Variants in CSMD1 observed in about 807,000 individuals in gnomAD.
CSMD1 encodes CUB and sushi domain-containing protein 1.
A neutral mutation model predicts 417.5 loss-of-function variants in CSMD1; 213 were observed. The observed-to-expected ratio is 0.51, with a 90% CI of 0.46 to 0.57. CSMD1 has a LOEUF of 0.57. CSMD1 is among the 20% of genes least tolerant of loss of function. CSMD1 has a pLI of 0.00. For missense variants in CSMD1, 6,923 were observed against 4,529.7 expected (o/e 1.53, Z -15.17); for synonymous variants, 2,862 against 1,736.8 (o/e 1.65, Z -16.11).
chr8:3,911,938 C>G (rs1354057759), intron 5 of CSMD1, among the ~76,000 whole-genome samples: 2 of 152,126 alleles, frequency 1.3e-5, no homozygotes, highest in Admixed American at 6.6e-5. Context: ...TGTGTTTTCC[C>G]TATATGTCCA....
chr8:3,539,607 T>C (rs1384143569), intron 10 of CSMD1, among the ~76,000 whole-genome samples: 1 of 152,142 alleles, frequency 6.6e-6, no homozygotes. Flanking sequence ...AACACAGCTC[T>C]GCCCCTCTAA....
chr8:3,925,480 T>C (rs1258892587), intron 5 of CSMD1, among the ~76,000 whole-genome samples: 1 of 152,204 alleles, frequency 6.6e-6, no homozygotes, highest in African/African-American at 2.4e-5. Flanking sequence ...TTCATAATGC[T>C]GGGTGGTAAG....
chr8:3,764,243 C>A (rs1216506322), intron 5 of CSMD1, among the ~76,000 whole-genome samples: 1 of 152,190 alleles, frequency 6.6e-6, no homozygotes, highest in South Asian at 2.1e-4. Context: ...ACGCTTCTCG[C>A]TTCTCTTCCA....
At chr8:3,956,418 G>C (rs144945906) in intron 5 of CSMD1, among the ~76,000 whole-genome samples, 1 of 152,162 alleles carries the variant, frequency 6.6e-6, no homozygotes, top group African/African-American at 2.4e-5. Flanking sequence ...CTGGAGGCAT[G>C]TATGTTTAGC....
chr8:4,050,042 T>C (rs1354636718), intron 3 of CSMD1, among the ~76,000 whole-genome samples: 1 of 152,178 alleles, frequency 6.6e-6, no homozygotes, highest in African/African-American at 2.4e-5. Context: ...AGATATTCTG[T>C]GGAATGTCCC....
intron 2 of CSMD1, among the ~76,000 whole-genome samples, chr8:4,456,435 T>C (rs1799491668): frequency 6.6e-6 from 1 of 152,196 alleles, no homozygotes; most frequent in Non-Finnish European, 1.5e-5. Flanking sequence ...GTATTTTTAA[T>C]TGCTGTTAAG....
At chr8:4,300,704 TC>T (rs1797938626) in intron 3 of CSMD1, among the ~76,000 whole-genome samples, 1 of 152,084 alleles carries the variant, frequency 6.6e-6, no homozygotes, top group Non-Finnish European at 1.5e-5. Flanking sequence ...CCCACAACAG[TC>T]CCCGGAGTGT....
chr8:3,761,410 A>T (rs779777699), intron 5 of CSMD1, among the ~76,000 whole-genome samples: 3 of 152,152 alleles, frequency 2.0e-5, no homozygotes, highest in Admixed American at 6.5e-5. Flanking sequence ...ACCAACTATG[A>T]AACAAAATAA....
chr8:3,835,772 G>A (rs534821113), intron 5 of CSMD1, among the ~76,000 whole-genome samples: 1 of 150,848 alleles, frequency 6.6e-6, no homozygotes, highest in Non-Finnish European at 1.5e-5. Context: ...CCCACCATTT[G>A]GCTAACTCTG....
chr8:3,618,231 C>G (rs1337855985), intron 7 of CSMD1, among the ~76,000 whole-genome samples: 1 of 152,142 alleles, frequency 6.6e-6, no homozygotes. Flanking sequence ...GTCTCAAACT[C>G]CTGGCTCAAG....
rs184212626 is a variant in CSMD1 at position 4,876,942 on chromosome 8, T to A, written c.85+117390A>T. Among the ~76,000 whole-genome samples, 944 of 152,190 alleles carry A rather than the reference T, an allele frequency of 6.2e-3. 11 individuals carry two copies. The highest frequency in any genetic ancestry group is 0.022 in the African/African-American group (913 of 41,496). ...TCTCCTAATCCATGCACACAAAAATTATTACACATTATGTAATTTTATGAC... is the reference window on the plus strand; with the variant it reads ...TCTCCTAATCCATGCACACAAAAATAATTACACATTATGTAATTTTATGAC... On this transcript the variant is annotated intron_variant, in intron 1 of 69. Coordinates refer to ENST00000635120, the MANE Select transcript of CSMD1 (RefSeq NM_033225.6).
intron 1 of CSMD1, among the ~76,000 whole-genome samples, chr8:4,992,551 A>G (rs1811528285): frequency 6.6e-6 from 1 of 152,288 alleles, no homozygotes; most frequent in South Asian, 2.1e-4. Flanking sequence ...TCGGCTGGAA[A>G]AAGCCAGGTC....
chr8:4,894,345 T>C (rs992335011), intron 1 of CSMD1, among the ~76,000 whole-genome samples: 19 of 152,078 alleles, frequency 1.2e-4, no homozygotes, highest in Admixed American at 9.2e-4. Context: ...AATTCACTGC[T>C]TGTAGATTCT....
At chr8:4,143,830 G>A (rs1803946436) in intron 3 of CSMD1, among the ~76,000 whole-genome samples, 2 of 151,078 alleles carry the variant, frequency 1.3e-5, no homozygotes, top group African/African-American at 2.5e-5. Context: ...CAGTTTTCTG[G>A]GATTTAAGTA....
chr8:4,272,298 T>C (rs1010206360), intron 3 of CSMD1, among the ~76,000 whole-genome samples: 1 of 152,188 alleles, frequency 6.6e-6, no homozygotes, highest in African/African-American at 2.4e-5. Context: ...AAAACATTTT[T>C]TTCCTTGCCA....
intron 3 of CSMD1, among the ~76,000 whole-genome samples, chr8:4,133,035 G>A (rs1187500183): frequency 6.6e-6 from 1 of 152,106 alleles, no homozygotes; most frequent in Non-Finnish European, 1.5e-5. Context: ...CCGGGTTAAA[G>A]CGATTCTTTT....
intron 3 of CSMD1, among the ~76,000 whole-genome samples, chr8:4,338,280 G>A (rs186032914): frequency 6.6e-6 from 1 of 152,134 alleles, no homozygotes. Flanking sequence ...AAGTGCAAGA[G>A]TTCAATGCAG....
At chr8:4,587,390 CATGTATATGTGGATATATATGTATATGT>C (rs1799755945) in intron 2 of CSMD1, among the ~76,000 whole-genome samples, 2 of 76,320 alleles carry the variant, frequency 2.6e-5, no homozygotes, top group Non-Finnish European at 5.1e-5. Context: ...TATGTACATA[CATGTATATGTGGATATATATGTATATGT>C]ACATGTATAT....
chr8:4,576,280 G>C (rs562963049), intron 2 of CSMD1, among the ~76,000 whole-genome samples: 1 of 152,290 alleles, frequency 6.6e-6, no homozygotes, highest in Admixed American at 6.5e-5. Context: ...GCTTCCTCTT[G>C]CCACAGGGCA....
Sources: allele counts gnomAD v4.1 joint callset (sites outside exome capture counted in the v4.1 genomes callset), GRCh38; gene constraint gnomAD v4.1.1; transcripts MANE v1.5; gene names NCBI Gene and HGNC (gene_info 2026-07-23, HGNC 2026-07-21).